GRIK1: variants seen among roughly 807,000 people sequenced by gnomAD.
The protein encoded by GRIK1 is glutamate receptor ionotropic, kainate 1.
GRIK1 carries 69 observed loss-of-function variants against 105.7 expected under a neutral mutation model. The ratio of observed to expected loss-of-function variants is 0.65; its 90% CI spans 0.54 to 0.80. GRIK1 has a LOEUF of 0.80. Ranked by LOEUF, GRIK1 falls within the 30% of genes least tolerant of loss-of-function variation. The pLI is 0.00. For synonymous variants in GRIK1, 438 were observed against 431.3 expected (o/e 1.02, Z -0.19); for missense variants, 1,109 against 1,167.3 (o/e 0.95, Z 0.73).
At chr21:29,622,009 C>T (rs1055065843) in intron 7 of GRIK1, among the ~76,000 whole-genome samples, 2 of 151,656 alleles carry the variant, frequency 1.3e-5, no homozygotes, top group Non-Finnish European at 2.9e-5. Context: ...TGCAATGGCA[C>T]GATCTTAGCT....
At chr21:29,636,633 A>G (rs886382465) in intron 7 of GRIK1, among the ~76,000 whole-genome samples, 5 of 152,252 alleles carry the variant, frequency 3.3e-5, no homozygotes, top group African/African-American at 1.2e-4. Context: ...GGTTGTACTC[A>G]AATAAACACT....
intron 1 of GRIK1, among the ~76,000 whole-genome samples, chr21:29,936,628 A>C (rs182787366): frequency 1.4e-4 from 22 of 152,346 alleles, no homozygotes; most frequent in African/African-American, 5.1e-4. Context: ...GGGCACCACT[A>C]TCCTACCGAC....
chr21:29,688,159 A>G (rs2063519747), intron 3 of GRIK1, among the ~76,000 whole-genome samples: 2 of 152,210 alleles, frequency 1.3e-5, no homozygotes, highest in Admixed American at 1.3e-4. Flanking sequence ...CTTGTAGCTT[A>G]TTCTTCTTGA....
At chr21:29,734,194 A>G (rs1000135765) in intron 1 of GRIK1, among the ~76,000 whole-genome samples, 94 of 152,202 alleles carry the variant, frequency 6.2e-4, no homozygotes, top group African/African-American at 2.2e-3. Flanking sequence ...AAGCACCTCC[A>G]TCACTACCAC....
chr21:29,908,612 A>C (rs2070720366), intron 1 of GRIK1, among the ~76,000 whole-genome samples: 1 of 152,230 alleles, frequency 6.6e-6, no homozygotes, highest in Non-Finnish European at 1.5e-5. Context: ...TAGTCGAGAC[A>C]AGCTGCATCT....
chr21:29,568,950 T>A (rs1313136496), intron 14 of GRIK1, among the ~76,000 whole-genome samples: 2 of 152,254 alleles, frequency 1.3e-5, no homozygotes, highest in African/African-American at 4.8e-5. Flanking sequence ...TTGTCTGCAT[T>A]CTAAGGGCAG....
chr21:29,688,833 C>T (rs1455654113), intron 3 of GRIK1, among the ~76,000 whole-genome samples: 1 of 151,810 alleles, frequency 6.6e-6, no homozygotes, highest in Non-Finnish European at 1.5e-5. Flanking sequence ...AAAGGATCAT[C>T]CAAAGTGAGG....
At chr21:29,575,490 G>A (rs2090868887) in intron 14 of GRIK1, among the ~76,000 whole-genome samples, 1 of 152,072 alleles carries the variant, frequency 6.6e-6, no homozygotes, top group African/African-American at 2.4e-5. Context: ...AAGAAAAAGA[G>A]TTCATTTTGA....
At chr21:29,623,337 A>C (rs1462900133) in intron 7 of GRIK1, among the ~76,000 whole-genome samples, 1 of 152,114 alleles carries the variant, frequency 6.6e-6, no homozygotes, top group African/African-American at 2.4e-5. Context: ...CCTTCCCATG[A>C]CACATGGGAA....
intron 1 of GRIK1, among the ~76,000 whole-genome samples, chr21:29,821,068 A>G (rs2067290964): frequency 6.6e-6 from 1 of 151,770 alleles, no homozygotes; most frequent in Non-Finnish European, 1.5e-5. Context: ...AAAAAAAAAA[A>G]AAAATCCATG....
intron 1 of GRIK1, among the ~76,000 whole-genome samples, chr21:29,865,823 T>G (rs1408876100): frequency 2.0e-5 from 3 of 152,216 alleles, no homozygotes; most frequent in African/African-American, 7.2e-5. Context: ...TTTTCACAAA[T>G]CTATAGTGTG....
intron 1 of GRIK1, among the ~76,000 whole-genome samples, chr21:29,777,925 G>T (rs1006229645): frequency 6.6e-6 from 1 of 152,228 alleles, no homozygotes; most frequent in Non-Finnish European, 1.5e-5. Flanking sequence ...AGAGCTAGAG[G>T]ATGGAGCCCT....
At chr21:29,608,243 C>A (rs1343271608) in intron 7 of GRIK1, among the ~76,000 whole-genome samples, 3 of 151,924 alleles carry the variant, frequency 2.0e-5, no homozygotes, top group African/African-American at 4.8e-5. Flanking sequence ...TATGCAAGCT[C>A]ATGTGTATAA....
At chr21:29,889,519 T>A (rs977168965) in intron 1 of GRIK1, among the ~76,000 whole-genome samples, 5 of 151,990 alleles carry the variant, frequency 3.3e-5, no homozygotes, top group African/African-American at 1.2e-4. Flanking sequence ...CTCCTCCACC[T>A]CTTGTTCTTC....
intron 1 of GRIK1, among the ~76,000 whole-genome samples, chr21:29,908,159 G>A (rs905281608): frequency 4.0e-5 from 6 of 151,608 alleles, no homozygotes; most frequent in Non-Finnish European, 7.4e-5. Context: ...TTCTATAGCC[G>A]AAAAAAAGAG....
intron 1 of GRIK1, among the ~76,000 whole-genome samples, chr21:29,828,032 T>TGTGG (rs747353828): frequency 4.8e-5 from 7 of 146,210 alleles, no homozygotes; most frequent in African/African-American, 1.7e-4. Flanking sequence ...TGTGTGTGTG[T>TGTGG]GTGGGTGTGT....
At chr21:29,646,707 G>A (rs1021299601) in intron 6 of GRIK1, among the ~76,000 whole-genome samples, 2 of 152,306 alleles carry the variant, frequency 1.3e-5, no homozygotes, top group Admixed American at 6.5e-5. Flanking sequence ...AATATTCAGA[G>A]ATCAAATGGG....
intron 1 of GRIK1, among the ~76,000 whole-genome samples, chr21:29,846,884 T>C (rs1482897096): frequency 2.0e-5 from 3 of 152,234 alleles, no homozygotes; most frequent in African/African-American, 7.2e-5. Context: ...CATATGTATA[T>C]GTATGTATGT....
intron 1 of GRIK1, among the ~76,000 whole-genome samples, chr21:29,725,133 G>C (rs141471654): frequency 2.0e-5 from 3 of 152,020 alleles, no homozygotes; most frequent in African/African-American, 7.2e-5. Context: ...CTCATTGAAT[G>C]CTCAACTGCA....
Sources: gnomAD v4.1 joint callset for allele counts (sites outside exome capture counted in the v4.1 genomes callset) on GRCh38, gnomAD v4.1.1 for gene constraint, MANE v1.5 for transcripts, NCBI Gene and HGNC (gene_info 2026-07-23, HGNC 2026-07-21) for gene names.